The following PCDH15 variants were observed in gnomAD, a reference collection of about 807,000 sequenced individuals.
The protein encoded by PCDH15 is protocadherin-15.
A neutral mutation model predicts 178.5 loss-of-function variants in PCDH15; 129 were observed. The ratio of observed to expected loss-of-function variants is 0.72; its 90% CI spans 0.63 to 0.84. The LOEUF (loss-of-function observed/expected upper bound fraction) is 0.84. Ranked by LOEUF, PCDH15 falls within the 40% of genes least tolerant of loss-of-function variation. The probability of loss-of-function intolerance (pLI) is 0.00; values close to 1 mark genes in which losing one functional copy is unlikely to be tolerated. For missense variants in PCDH15, 2,230 were observed against 2,099.9 expected, an observed-to-expected ratio of 1.06 and a Z score of -1.21; for synonymous variants, 800 against 732.0, an observed-to-expected ratio of 1.09 and a Z score of -1.50.
intron 2 of PCDH15, among the ~76,000 whole-genome samples, chr10:55,457,580 T>C (rs930050696): frequency 3.3e-5 from 5 of 152,068 alleles, no homozygotes; most frequent in Admixed American, 3.3e-4. Context: ...ACCCTTCTTA[T>C]GTTTTCAGGA....
chr10:54,840,549 A>T (rs1373117809), intron 3 of PCDH15, among the ~76,000 whole-genome samples: 1 of 151,908 alleles, frequency 6.6e-6, no homozygotes, highest in Non-Finnish European at 1.5e-5. Context: ...AGTATAAAAC[A>T]GTCAAAATAT....
chr10:55,624,188 C>A (rs376407687), intron 2 of PCDH15, among the ~76,000 whole-genome samples: 48 of 151,994 alleles, frequency 3.2e-4, no homozygotes, highest in African/African-American at 1.0e-3. Flanking sequence ...CAAAAACAAA[C>A]TTCTCTTAGG....
intron 2 of PCDH15, among the ~76,000 whole-genome samples, chr10:55,401,541 G>C (rs1838067081): frequency 6.6e-6 from 1 of 151,142 alleles, no homozygotes. Context: ...AGAATAGATT[G>C]GGATCACTAA....
intron 3 of PCDH15, among the ~76,000 whole-genome samples, chr10:54,460,163 T>C (rs1394625147): frequency 2.0e-5 from 3 of 152,146 alleles, no homozygotes; most frequent in Admixed American, 1.3e-4. Flanking sequence ...AAGATATTCA[T>C]AATTTCATAC....
chr10:55,454,483 G>A (rs1452664626), intron 2 of PCDH15, among the ~76,000 whole-genome samples: 2 of 151,904 alleles, frequency 1.3e-5, no homozygotes, highest in Admixed American at 1.3e-4. Context: ...TATCTTAGAA[G>A]TTTAGCTAGA....
At chr10:54,463,163 G>T (rs1430341379) in intron 3 of PCDH15, among the ~76,000 whole-genome samples, 2 of 152,058 alleles carry the variant, frequency 1.3e-5, no homozygotes, top group Non-Finnish European at 2.9e-5. Flanking sequence ...AATCTAATAA[G>T]CTGAGTGAAT....
At chr10:55,279,677 A>T (rs962448773) in intron 1 of PCDH15, among the ~76,000 whole-genome samples, 1 of 152,198 alleles carries the variant, frequency 6.6e-6, no homozygotes, top group African/African-American at 2.4e-5. Context: ...ATATAATACA[A>T]ATTGAACTTA....
chr10:53,961,732 TAATGA>T lies in PCDH15; in HGVS notation c.3009+15_3009+19del. On this transcript the variant is annotated intron_variant, in intron 22 of 37. Coordinates refer to ENST00000644397, the MANE Select transcript of PCDH15 (RefSeq NM_001384140.1). Reference sequence around the variant, plus strand: ...AAAATTAAACATCAAATAGACCACATAATGAAAAGAGACACTGACCTTAAAAATTG... The same window carrying T: ...AAAATTAAACATCAAATAGACCACATAAAGAGACACTGACCTTAAAAATTG... 1 of 1,586,674 alleles carries T rather than the reference TAATGA, an allele frequency of 6.3e-7. No individual in the cohort carries two copies. The highest frequency in any genetic ancestry group is 8.6e-7 in the Non-Finnish European group (1 of 1,164,726).
chr10:54,646,705 A>G (rs527638131), intron 2 of PCDH15, among the ~76,000 whole-genome samples: 1 of 152,156 alleles, frequency 6.6e-6, no homozygotes, highest in African/African-American at 2.4e-5. Context: ...ACTTGTTTTC[A>G]TTAATTTCTT....
chr10:54,762,733 C>A (rs72796520), intron 1 of PCDH15, among the ~76,000 whole-genome samples: 1 of 151,938 alleles, frequency 6.6e-6, no homozygotes, highest in Non-Finnish European at 1.5e-5. Flanking sequence ...TTAAATTGAA[C>A]ATTTATGAAA....
At chr10:55,494,747 G>C (rs1840494677) in intron 2 of PCDH15, among the ~76,000 whole-genome samples, 1 of 151,676 alleles carries the variant, frequency 6.6e-6, no homozygotes, top group African/African-American at 2.4e-5. Flanking sequence ...TGATGCTAGT[G>C]AGATATATAT....
intron 2 of PCDH15, among the ~76,000 whole-genome samples, chr10:54,913,860 G>T (rs1030572530): frequency 4.6e-5 from 7 of 152,220 alleles, no homozygotes; most frequent in African/African-American, 1.7e-4. Context: ...CATGGGGCCT[G>T]TAGCCCCTTT....
At chr10:54,787,518 T>C (rs1950999765) in intron 1 of PCDH15, among the ~76,000 whole-genome samples, 1 of 152,026 alleles carries the variant, frequency 6.6e-6, no homozygotes, top group Admixed American at 6.6e-5. Context: ...CAGTTACTCT[T>C]AAGTATTCTC....
chr10:54,655,775 C>T (rs1024672721), intron 2 of PCDH15: 1 of 152,046 alleles, frequency 6.6e-6, no homozygotes, highest in Non-Finnish European at 1.5e-5. Context: ...CACAAGGATC[C>T]ACAAGATTAC....
At chr10:55,116,412 G>A (rs1272444128) in intron 2 of PCDH15, among the ~76,000 whole-genome samples, 2 of 151,988 alleles carry the variant, frequency 1.3e-5, no homozygotes, top group Non-Finnish European at 1.5e-5. Flanking sequence ...AATATAATAG[G>A]TAAGCAAAAT....
At chr10:53,809,584 G>GAGAT in intron 37 of PCDH15, 1 of 1,587,632 alleles carries the variant, frequency 6.3e-7, no homozygotes, top group Non-Finnish European at 8.6e-7. Flanking sequence ...TGTCAGCTTG[G>GAGAT]AGATAGCTAT....
intron 1 of PCDH15, among the ~76,000 whole-genome samples, chr10:54,779,074 C>G (rs1949999867): frequency 6.6e-6 from 1 of 151,998 alleles, no homozygotes; most frequent in Non-Finnish European, 1.5e-5. Context: ...GATAGAGAAT[C>G]TAATACCCTT....
At chr10:53,895,855 C>G (rs2081912955) in intron 26 of PCDH15, among the ~76,000 whole-genome samples, 1 of 152,090 alleles carries the variant, frequency 6.6e-6, no homozygotes, top group Non-Finnish European at 1.5e-5. Context: ...TTAGTATGTT[C>G]TCTTATTTTC....
At chr10:54,956,069 C>T (rs1838476389) in intron 2 of PCDH15, among the ~76,000 whole-genome samples, 1 of 151,190 alleles carries the variant, frequency 6.6e-6, no homozygotes, top group African/African-American at 2.4e-5. Context: ...GATGAAATTA[C>T]ATCCATATTA....
Sources: allele counts gnomAD v4.1 joint callset (sites outside exome capture counted in the v4.1 genomes callset), GRCh38; gene constraint gnomAD v4.1.1; transcripts MANE v1.5; gene names NCBI Gene and HGNC (gene_info 2026-07-23, HGNC 2026-07-21).